Variants in PBX3 observed in about 807,000 individuals in gnomAD.
PBX3 encodes the protein pre-B-cell leukemia transcription factor 3.
Under a neutral mutation model 48.5 loss-of-function variants are expected in PBX3, and 14 were observed. The ratio of observed to expected loss-of-function variants is 0.29; its 90% CI spans 0.19 to 0.45. The LOEUF (loss-of-function observed/expected upper bound fraction) is 0.45, where lower values mean the gene tolerates loss of function less well. Ranked by LOEUF, PBX3 falls within the 20% of genes least tolerant of loss-of-function variation. The pLI, the probability that PBX3 is intolerant of heterozygous loss-of-function variation, is 1.00. For missense variants in PBX3, 386 were observed against 546.7 expected (o/e 0.71, Z 2.93); for synonymous variants, 210 against 200.3 (o/e 1.05, Z -0.41).
intron 2 of PBX3, among the ~76,000 whole-genome samples, chr9:125,888,857 A>G (rs1205195524): frequency 6.6e-6 from 1 of 152,194 alleles, no homozygotes; most frequent in Non-Finnish European, 1.5e-5. Flanking sequence ...GGCTGCATTC[A>G]GATTTGGGAA....
chr9:125,925,606 C>A (rs954079512), intron 3 of PBX3, among the ~76,000 whole-genome samples: 1 of 152,092 alleles, frequency 6.6e-6, no homozygotes, highest in Non-Finnish European at 1.5e-5. Flanking sequence ...GGCGTGCCAC[C>A]ATGTCCAGCT....
chr9:125,818,909 G>A (rs1588179527), intron 2 of PBX3, among the ~76,000 whole-genome samples: 2 of 152,010 alleles, frequency 1.3e-5, no homozygotes, highest in African/African-American at 4.8e-5. Context: ...GATCTCGGCT[G>A]ACTGCAGCCT....
At chr9:125,942,239 G>A (rs938984051) in intron 5 of PBX3, among the ~76,000 whole-genome samples, 2 of 152,190 alleles carry the variant, frequency 1.3e-5, no homozygotes, top group Non-Finnish European at 2.9e-5. Flanking sequence ...GGGAGAAACT[G>A]AAGTCTTACT....
intron 4 of PBX3, 101 bp from the exon 5 acceptor site, chr9:125,935,371 A>G: frequency 9.7e-7 from 1 of 1,027,172 alleles, no homozygotes; most frequent in Non-Finnish European, 1.4e-6. Context: ...AAGGATGTTT[A>G]AAAAGAGAAA....
chr9:125,832,827 A>G (rs1184928955), intron 2 of PBX3, among the ~76,000 whole-genome samples: 1 of 152,064 alleles, frequency 6.6e-6, no homozygotes, highest in Non-Finnish European at 1.5e-5. Flanking sequence ...GCTGCTGATC[A>G]CAGGTCTTGC....
chr9:125,886,487 G>A (rs904947580), intron 2 of PBX3, among the ~76,000 whole-genome samples: 3 of 152,092 alleles, frequency 2.0e-5, no homozygotes, highest in Non-Finnish European at 4.4e-5. Context: ...TGGTAAATTT[G>A]AGCTGTGGAA....
At chr9:125,800,116 T>C (rs1837895714) in intron 2 of PBX3, among the ~76,000 whole-genome samples, 1 of 152,216 alleles carries the variant, frequency 6.6e-6, no homozygotes, top group African/African-American at 2.4e-5. Context: ...CTTAACAATT[T>C]GATGTTTGGT....
At chr9:125,965,725 T>G (rs1842517529) in intron 8 of PBX3, 106 bp from the exon 9 acceptor site, 1 of 812,610 alleles carries the variant, frequency 1.2e-6, no homozygotes, top group Admixed American at 1.8e-5. Flanking sequence ...AGAAAATACA[T>G]TTTGCTAATG....
Position 125,860,887 on chromosome 9 carries a change from A to C in PBX3, c.275-54799A>C, listed in dbSNP as rs1839847368. Among the ~76,000 whole-genome samples, 2 of 26,798 alleles carry C rather than the reference A, an allele frequency of 7.5e-5. 1 individual carries two copies. The highest frequency in any genetic ancestry group is 3.6e-3 in the South Asian group (2 of 552). The allele number at this position is 26,798 out of a possible 152,430, so 17.6% of individuals were successfully genotyped here. A position where few individuals can be genotyped will look rare whatever the true frequency, so the allele number is the denominator to read the frequency against. ...GGGTGACAGAATAAGACTCTGTCAAAAAAAAAAAAAAAAAAAAAGATATTC... is the reference window on the plus strand; with the variant it reads ...GGGTGACAGAATAAGACTCTGTCAACAAAAAAAAAAAAAAAAAAGATATTC... On this transcript the variant is annotated intron_variant, in intron 2 of 8. Coordinates refer to ENST00000373489, the MANE Select transcript of PBX3 (RefSeq NM_006195.6).
intron 2 of PBX3, among the ~76,000 whole-genome samples, chr9:125,771,009 C>T (rs1159737835): frequency 6.6e-6 from 1 of 152,148 alleles, no homozygotes; most frequent in Non-Finnish European, 1.5e-5. Context: ...ATTAATTAAT[C>T]AGATGAGATA....
At chr9:125,892,149 C>T (rs1436648620) in intron 2 of PBX3, among the ~76,000 whole-genome samples, 3 of 152,058 alleles carry the variant, frequency 2.0e-5, no homozygotes, top group African/African-American at 4.8e-5. Flanking sequence ...TCTCCAACTC[C>T]TGACTTCAAG....
At chr9:125,879,257 G>A (rs949054458) in intron 2 of PBX3, among the ~76,000 whole-genome samples, 18 of 151,562 alleles carry the variant, frequency 1.2e-4, no homozygotes, top group African/African-American at 3.9e-4. Flanking sequence ...TTTGTATTTT[G>A]TAGTAGAGAT....
chr9:125,895,279 CTA>C (rs1361580632), intron 2 of PBX3, among the ~76,000 whole-genome samples: 4 of 152,164 alleles, frequency 2.6e-5, no homozygotes, highest in East Asian at 1.9e-4. Flanking sequence ...CTAATTAATA[CTA>C]TGTTATTTAA....
intron 5 of PBX3, among the ~76,000 whole-genome samples, chr9:125,937,355 T>G (rs1841860442): frequency 6.6e-6 from 1 of 152,110 alleles, no homozygotes; most frequent in African/African-American, 2.4e-5. Flanking sequence ...CCAGTGTGTT[T>G]TTTTTAAAAA....
In PBX3 at chr9:125,953,898, A is replaced by G. The variant is rs552944888; in HGVS notation, c.844-6786A>G. On this transcript the variant is annotated intron_variant, in intron 5 of 8. Coordinates refer to ENST00000373489, the MANE Select transcript of PBX3 (RefSeq NM_006195.6). Reference sequence around the variant, plus strand: ...AAACTTGGGGGGACGCATACTGTACAGAGGAGCTGAAGGTTTTCCAAAGAG... The same window carrying G: ...AAACTTGGGGGGACGCATACTGTACGGAGGAGCTGAAGGTTTTCCAAAGAG... Among the ~76,000 whole-genome samples, 3 of 152,344 alleles carry G rather than the reference A, an allele frequency of 2.0e-5. No individual in the cohort carries two copies. The South Asian group carries it at 6.2e-4, about 32-fold the overall frequency.
intron 5 of PBX3, chr9:125,949,291 G>A: frequency 6.6e-7 from 1 of 1,512,960 alleles, no homozygotes; most frequent in Non-Finnish European, 9.0e-7. Context: ...TATGAAGAGT[G>A]CCTAGTACAG....
chr9:125,877,372 C>T (rs1185287657), intron 2 of PBX3, among the ~76,000 whole-genome samples: 1 of 152,152 alleles, frequency 6.6e-6, no homozygotes, highest in Non-Finnish European at 1.5e-5. Flanking sequence ...TTTGCAATTT[C>T]AGCTAGATAT....
At chr9:125,753,754 G>C (rs1022241692) in intron 2 of PBX3, among the ~76,000 whole-genome samples, 4 of 151,950 alleles carry the variant, frequency 2.6e-5, no homozygotes, top group African/African-American at 9.7e-5. Context: ...TAGCAAAGGA[G>C]GCCCCGACTT....
chr9:125,807,160 TA>T (rs755139503), intron 2 of PBX3, among the ~76,000 whole-genome samples: 2 of 151,994 alleles, frequency 1.3e-5, no homozygotes, highest in Admixed American at 6.6e-5. Context: ...CCATCTCTAG[TA>T]AAAAGTACAT....
Sources: allele counts gnomAD v4.1 joint callset (sites outside exome capture counted in the v4.1 genomes callset), GRCh38; gene constraint gnomAD v4.1.1; transcripts MANE v1.5; gene names NCBI Gene and HGNC (gene_info 2026-07-23, HGNC 2026-07-21).